The following MACROH2A1 variants were observed in gnomAD, a reference collection of about 807,000 sequenced individuals.
MACROH2A1 encodes macroH2A.1 histone.
In MACROH2A1, 2 loss-of-function variants were observed where a neutral mutation model predicts 31.6. The ratio of observed to expected loss-of-function variants is 0.06; its 90% CI spans 0.03 to 0.20. The LOEUF (loss-of-function observed/expected upper bound fraction) is 0.20, where lower values mean the gene tolerates loss of function less well. MACROH2A1 is among the 10% of genes least tolerant of loss of function. The pLI is 1.00. For missense variants in MACROH2A1, 230 were observed against 474.0 expected (o/e 0.49, Z 4.78); for synonymous variants, 169 against 189.6 (o/e 0.89, Z 0.89).
At chr5:135,370,508 G>A (rs1561629699) in intron 2 of MACROH2A1, among the ~76,000 whole-genome samples, 1 of 151,672 alleles carries the variant, frequency 6.6e-6, no homozygotes. Context: ...CAAACCCAAA[G>A]TCCTCAGTGT....
In MACROH2A1 at chr5:135,398,269, C is replaced by CA. The variant is rs1451459718; in HGVS notation, c.-34+792dup. 6.6e-6 allele frequency among the ~76,000 whole-genome samples: 1 copy of CA among 152,186 alleles called. No individual in the cohort carries two copies. The highest frequency in any genetic ancestry group is 1.5e-5 in the Non-Finnish European group (1 of 68,018). On this transcript the variant is annotated intron_variant, in intron 1 of 8. Coordinates refer to ENST00000511689, the MANE Select transcript of MACROH2A1 (RefSeq NM_138610.3). The surrounding 1 kb of genome is among the most constrained non-coding windows in gnomAD (Gnocchi z 4.6). ...CACTGCCAGCAGCATCCTGCACACT[C>CA]ACCTCCCCACTCCACCCCACCCCCA...
chr5:135,371,271 T>C (rs1021785791), intron 2 of MACROH2A1, among the ~76,000 whole-genome samples: 2 of 152,236 alleles, frequency 1.3e-5, no homozygotes, highest in African/African-American at 4.8e-5. Context: ...TTTAATGATC[T>C]ATTGTGCAGA....
rs1210817968 is a variant in MACROH2A1 at position 135,369,070 on chromosome 5, C to G, written c.477+336G>C. Among the ~76,000 whole-genome samples, 1 of 152,232 alleles carries G rather than the reference C, an allele frequency of 6.6e-6. No individual in the cohort carries two copies. Among genetic ancestry groups the G allele is most frequent in the Non-Finnish European group, 1.5e-5 (1 of 68,040 alleles). ...ACTAGACAGTGGCTGTCCCCTAACA[C>G]AGGGAAGCCCCCTTCCCACAGGTGT... On this transcript the variant is annotated intron_variant, in intron 4 of 8. Coordinates refer to ENST00000511689, the MANE Select transcript of MACROH2A1 (RefSeq NM_138610.3). This position sits in a 1 kb window ranked among gnomAD's most constrained non-coding sequence, Gnocchi z 4.3.
intron 5 of MACROH2A1, chr5:135,355,292 C>T (rs1008662309): frequency 4.4e-6 from 2 of 455,794 alleles, no homozygotes; most frequent in Admixed American, 2.4e-5. Context: ...GGACTCACTA[C>T]CTTCCCTTCT....
chr5:135,341,495 C>T (rs903488832), intron 8 of MACROH2A1, among the ~76,000 whole-genome samples: 5 of 152,210 alleles, frequency 3.3e-5, no homozygotes, highest in African/African-American at 1.2e-4. Context: ...CAGGTGCAAC[C>T]AGAGATCTTT....
In MACROH2A1 at chr5:135,370,114, T is replaced by C. The variant is rs1302788794; in HGVS notation, c.201A>G (p.Ala67=). ...CCCGTCCCTTCTTGTTGTCTCTCGC[T>C]GCATTGCCAGCCAGCTCCAGAATCT... ...TAEILELAGN[A]ARDNKKGRVT... is the part of the protein sequence containing the mutation. The change falls in exon 3 of 9, where the codon GCA becomes GCG. Residue 67 remains alanine, a synonymous_variant. Coordinates refer to ENST00000511689, the MANE Select transcript of MACROH2A1 (RefSeq NM_138610.3). 1 of 1,613,418 alleles carries C rather than the reference T, an allele frequency of 6.2e-7. No homozygotes were observed. Among genetic ancestry groups the C allele is most frequent in the African/African-American group, 1.3e-5 (1 of 75,044 alleles).
intron 2 of MACROH2A1, among the ~76,000 whole-genome samples, chr5:135,376,319 A>G (rs1324905733): frequency 2.6e-5 from 4 of 152,120 alleles, no homozygotes; most frequent in South Asian, 2.1e-4. Context: ...AAGTCTCCCA[A>G]TAAGATGGAA....
intron 6 of MACROH2A1, among the ~76,000 whole-genome samples, chr5:135,352,289 C>T (rs993886266): frequency 7.2e-5 from 11 of 152,220 alleles, no homozygotes; most frequent in African/African-American, 2.7e-4. Flanking sequence ...TGAGGGGCAC[C>T]TCTCAGTCTG....
At chr5:135,397,078 G>A (rs539990400) in intron 1 of MACROH2A1, among the ~76,000 whole-genome samples, 1 of 152,258 alleles carries the variant, frequency 6.6e-6, no homozygotes, top group African/African-American at 2.4e-5. Flanking sequence ...AAAACCAGAG[G>A]CTGTTGCAGT....
intron 5 of MACROH2A1, chr5:135,357,877 G>C: frequency 1.0e-6 from 1 of 985,214 alleles, no homozygotes; most frequent in Non-Finnish European, 1.2e-6. Context: ...CCTGGGCCAT[G>C]CTTCCTGAGT....
At chr5:135,359,840 A>T (rs1762614010) in intron 5 of MACROH2A1, 1 of 967,166 alleles carries the variant, frequency 1.0e-6, no homozygotes. Flanking sequence ...GTTAACTCTC[A>T]TTCTCAGGTC....
chr5:135,391,014 G>A (rs1767160271), intron 1 of MACROH2A1, among the ~76,000 whole-genome samples: 1 of 152,188 alleles, frequency 6.6e-6, no homozygotes, highest in East Asian at 1.9e-4. Context: ...TGCTCACTGA[G>A]GGCTAGAGAG....
At chr5:135,350,973 AT>A in intron 6 of MACROH2A1, 1 of 1,119,362 alleles carries the variant, frequency 8.9e-7, no homozygotes, top group Non-Finnish European at 1.3e-6. Flanking sequence ...GCACAGGCAC[AT>A]TTACTAATGC....
chr5:135,357,910 G>C, intron 5 of MACROH2A1: 12 of 984,962 alleles, frequency 1.2e-5, no homozygotes, highest in African/African-American at 1.7e-5. Context: ...ATGCCTTACA[G>C]GGCTGTAGCA....
intron 6 of MACROH2A1, among the ~76,000 whole-genome samples, chr5:135,352,717 TG>T (rs1761727928): frequency 6.6e-6 from 1 of 152,200 alleles, no homozygotes; most frequent in Non-Finnish European, 1.5e-5. Context: ...CAGATGGCAA[TG>T]TATTTGCAAT....
intron 2 of MACROH2A1, among the ~76,000 whole-genome samples, chr5:135,385,151 T>C (rs1279296611): frequency 6.6e-6 from 1 of 152,222 alleles, no homozygotes; most frequent in Non-Finnish European, 1.5e-5. Flanking sequence ...TCACCATGCC[T>C]GCAATTGTCA....
chr5:135,353,767 T>A (rs1490449510), intron 5 of MACROH2A1: 1 of 152,198 alleles, frequency 6.6e-6, no homozygotes, highest in Non-Finnish European at 1.5e-5. Flanking sequence ...GCATTTTCCT[T>A]AAGTGTTATA....
intron 2 of MACROH2A1, among the ~76,000 whole-genome samples, chr5:135,376,571 G>C (rs970636706): frequency 6.6e-6 from 1 of 152,166 alleles, no homozygotes; most frequent in Non-Finnish European, 1.5e-5. Context: ...CGCTCTGTCT[G>C]CAGGGGAGGG....
At chr5:135,356,551 T>C (rs1762198160) in intron 5 of MACROH2A1, 1 of 152,242 alleles carries the variant, frequency 6.6e-6, no homozygotes, top group Non-Finnish European at 1.5e-5. Flanking sequence ...TGACTGCCCC[T>C]GCTTGCTTTC....
Sources: allele counts gnomAD v4.1 joint callset (sites outside exome capture counted in the v4.1 genomes callset), GRCh38; gene constraint gnomAD v4.1.1; non-coding constraint Gnocchi (gnomAD v3.1); transcripts MANE v1.5; gene names NCBI Gene and HGNC (gene_info 2026-07-23, HGNC 2026-07-21).